SCOC: variants seen among roughly 807,000 people sequenced by gnomAD.
The protein encoded by SCOC is short coiled-coil protein.
Under a neutral mutation model 9.9 loss-of-function variants are expected in SCOC, and 7 were observed. That is an observed-to-expected ratio of 0.71 (90% CI 0.40 to 1.33). The LOEUF is 1.33. SCOC is among the 40% of genes most tolerant of loss of function. The pLI, the probability that SCOC is intolerant of heterozygous loss-of-function variation, is 0.01. For missense variants in SCOC, 66 were observed against 89.7 expected (o/e 0.74, Z 1.07); for synonymous variants, 19 against 28.2 (o/e 0.67, Z 1.03).
intron 1 of SCOC, among the ~76,000 whole-genome samples, chr4:140,375,147 C>G (rs1032975643): frequency 6.6e-6 from 1 of 152,192 alleles, no homozygotes; most frequent in African/African-American, 2.4e-5. Flanking sequence ...GGCCCTGTTG[C>G]TAACTACTTC....
chr4:140,259,477 G>A (rs750724369), intron 1 of SCOC, among the ~76,000 whole-genome samples: 1 of 152,230 alleles, frequency 6.6e-6, no homozygotes, highest in Non-Finnish European at 1.5e-5. Flanking sequence ...CTACTTTTCG[G>A]CTGGGCATGG....
At chr4:140,295,939 AAAAAAAAAG>A (rs1307417016) in intron 1 of SCOC, among the ~76,000 whole-genome samples, 1 of 150,640 alleles carries the variant, frequency 6.6e-6, no homozygotes, top group African/African-American at 2.5e-5. Context: ...TCAAAAAAAA[AAAAAAAAAG>A]AAAGAAAGAA....
chr4:140,343,846 C>T, intron 2 of SCOC: 1 of 532,478 alleles, frequency 1.9e-6, no homozygotes, highest in Admixed American at 3.5e-5. Flanking sequence ...GTTACAAAAA[C>T]AGGTTTTAAT....
chr4:140,332,553 A>G (rs1288800118), intron 1 of SCOC, among the ~76,000 whole-genome samples: 1 of 151,404 alleles, frequency 6.6e-6, no homozygotes, highest in Non-Finnish European at 1.5e-5. Context: ...TAATTTTTGT[A>G]TTTTTAGTAG....
At chr4:140,341,080 G>T (rs552989605), upstream of SCOC, among the ~76,000 whole-genome samples, 2 of 151,960 alleles carry the variant, frequency 1.3e-5, no homozygotes, top group African/African-American at 4.8e-5. Context: ...ACAGGCATGA[G>T]CCCAGCCGAG....
chr4:140,353,684 C>A (rs768885086), intron 2 of SCOC, among the ~76,000 whole-genome samples: 6 of 152,202 alleles, frequency 3.9e-5, no homozygotes, highest in Admixed American at 6.5e-5. Flanking sequence ...AGGCGTGAGC[C>A]ACCATGCCGG....
chr4:140,270,343 AT>A (rs1329203294), intron 1 of SCOC, among the ~76,000 whole-genome samples: 2 of 151,264 alleles, frequency 1.3e-5, no homozygotes, highest in Non-Finnish European at 3.0e-5. Flanking sequence ...TATGATTATT[AT>A]TTTTTTAGAG....
chr4:140,340,101 C>T (rs1726446335), upstream of SCOC, among the ~76,000 whole-genome samples: 1 of 152,104 alleles, frequency 6.6e-6, no homozygotes, highest in African/African-American at 2.4e-5. Flanking sequence ...CACATATACA[C>T]CATGGAATAC....
At chr4:140,336,524 G>C (rs1016345509) in intron 1 of SCOC, among the ~76,000 whole-genome samples, 1 of 152,120 alleles carries the variant, frequency 6.6e-6, no homozygotes, top group African/African-American at 2.4e-5. Context: ...TACTGTTTTT[G>C]AGGTTTATCT....
chr4:140,347,548 G>T (rs1429513759), intron 2 of SCOC, among the ~76,000 whole-genome samples: 1 of 151,986 alleles, frequency 6.6e-6, no homozygotes, highest in African/African-American at 2.4e-5. Context: ...GTCCTCCAGC[G>T]TTTCCCTAAG....
intron 1 of SCOC, among the ~76,000 whole-genome samples, chr4:140,264,153 C>T (rs182287516): frequency 6.6e-6 from 1 of 152,146 alleles, no homozygotes; most frequent in Non-Finnish European, 1.5e-5. Flanking sequence ...GCATGCACCA[C>T]CACGCCCAGC....
chr4:140,309,489 G>A (rs1010978612), intron 1 of SCOC, among the ~76,000 whole-genome samples: 2 of 152,074 alleles, frequency 1.3e-5, no homozygotes, highest in Non-Finnish European at 2.9e-5. Flanking sequence ...TGTTGCTGAG[G>A]CATTGTCACA....
At chr4:140,277,267 A>G (rs1356497076) in intron 1 of SCOC, among the ~76,000 whole-genome samples, 2 of 152,120 alleles carry the variant, frequency 1.3e-5, no homozygotes, top group Non-Finnish European at 2.9e-5. Flanking sequence ...TTTCAGGTAG[A>G]GGCCACCCAC....
chr4:140,340,775 C>T (rs552712787), upstream of SCOC, among the ~76,000 whole-genome samples: 30 of 115,276 alleles, frequency 2.6e-4, no homozygotes, highest in South Asian at 7.1e-3. Context: ...GATAGCAATG[C>T]TGCCTAACTT....
chr4:140,330,265 A>G (rs1470107037), intron 1 of SCOC, among the ~76,000 whole-genome samples: 1 of 152,174 alleles, frequency 6.6e-6, no homozygotes, highest in Non-Finnish European at 1.5e-5. Context: ...ACAAATCTTC[A>G]TATGATATGT....
At chr4:140,364,463 C>T (rs1294165259) in intron 2 of SCOC, among the ~76,000 whole-genome samples, 1 of 152,022 alleles carries the variant, frequency 6.6e-6, no homozygotes, top group Non-Finnish European at 1.5e-5. Context: ...GATCAAAGTG[C>T]CCTATTCTGG....
chr4:140,380,506 C>G lies in SCOC; in HGVS notation c.107-456C>G, dbSNP rs1728532385. On this transcript the variant is annotated intron_variant, in intron 3 of 3. Transcript: ENST00000608372. ...AGCCACCGTGCCCAGCCGGAATTAA[C>G]CTCTTATGTGATCATCAGGAACTGC... 1.3e-5 allele frequency among the ~76,000 whole-genome samples: 2 copies of G among 151,950 alleles called. 1 individual carries two copies. Among genetic ancestry groups the G allele is most frequent in the South Asian group, 4.1e-4 (2 of 4,826 alleles).
chr4:140,373,352 G>A (rs747884162), upstream of SCOC: 1 of 1,431,084 alleles, frequency 7.0e-7, no homozygotes, highest in African/African-American at 1.4e-5. Flanking sequence ...CAGGTTTCCT[G>A]ATAGACCTGA....
chr4:140,312,863 T>A (rs1036099003), intron 1 of SCOC, among the ~76,000 whole-genome samples: 2 of 152,236 alleles, frequency 1.3e-5, no homozygotes, highest in African/African-American at 4.8e-5. Context: ...GCTGAATTTT[T>A]AAGAAAAACT....
Sources: allele counts gnomAD v4.1 joint callset (sites outside exome capture counted in the v4.1 genomes callset), GRCh38; gene constraint gnomAD v4.1.1; transcripts MANE v1.5; gene names NCBI Gene and HGNC (gene_info 2026-07-23, HGNC 2026-07-21).